The following DOCK3 variants were observed in gnomAD, a reference collection of about 807,000 sequenced individuals.
The protein encoded by DOCK3 is dedicator of cytokinesis 3.
A neutral mutation model predicts 265.6 loss-of-function variants in DOCK3; 60 were observed. The observed-to-expected ratio is 0.23, with a 90% CI of 0.18 to 0.28. The LOEUF (loss-of-function observed/expected upper bound fraction) is 0.28. Among genes scored for constraint, DOCK3 ranks in the 10% least tolerant of loss-of-function variants. The probability of loss-of-function intolerance (pLI) is 1.00; values close to 1 mark genes in which losing one functional copy is unlikely to be tolerated. For synonymous variants in DOCK3, 881 were observed against 938.0 expected (o/e 0.94, Z 1.11); for missense variants, 1,981 against 2,594.3 (o/e 0.76, Z 5.14).
intron 12 of DOCK3, among the ~76,000 whole-genome samples, chr3:51,177,932 A>G (rs773036849): frequency 1.3e-5 from 2 of 151,894 alleles, no homozygotes; most frequent in South Asian, 2.1e-4. Context: ...CAGAGATTGC[A>G]GTAGCCGAGA....
intron 5 of DOCK3, among the ~76,000 whole-genome samples, chr3:50,936,062 T>A (rs1297532730): frequency 1.3e-5 from 2 of 152,064 alleles, no homozygotes; most frequent in African/African-American, 4.8e-5. Flanking sequence ...ACAAACACTC[T>A]TGAAACAAAC....
At chr3:51,341,018 A>G (rs1019346065) in intron 37 of DOCK3, among the ~76,000 whole-genome samples, 2 of 152,250 alleles carry the variant, frequency 1.3e-5, no homozygotes, top group Non-Finnish European at 2.9e-5. Flanking sequence ...CCATGGAAGG[A>G]AGGTGTCTAC....
At chr3:51,313,280 C>G (rs1226520208) in intron 31 of DOCK3, among the ~76,000 whole-genome samples, 1 of 152,180 alleles carries the variant, frequency 6.6e-6, no homozygotes, top group Non-Finnish European at 1.5e-5. Flanking sequence ...ATCTGAGATA[C>G]CCAGTACATG....
chr3:51,312,650 A>G, intron 30 of DOCK3, 74 bp downstream of exon 30: 1 of 1,408,990 alleles, frequency 7.1e-7, no homozygotes, highest in Non-Finnish European at 9.6e-7. Context: ...GAGTTCTTTC[A>G]GAGGTCCACA....
At chr3:50,702,382 T>TG (rs36105846) in intron 1 of DOCK3, among the ~76,000 whole-genome samples, 14,364 of 152,118 alleles carry the variant, frequency 0.094, 834 homozygotes, top group Non-Finnish European at 0.12. Flanking sequence ...TCTTTTTTTT[T>TG]AGATAGAGTC....
At chr3:50,879,053 A>T (rs532112850) in intron 3 of DOCK3, among the ~76,000 whole-genome samples, 150 of 152,298 alleles carry the variant, frequency 9.8e-4, no homozygotes, top group Non-Finnish European at 1.8e-3. Flanking sequence ...AGGAGAAATA[A>T]AATCCTTTAC....
intron 5 of DOCK3, among the ~76,000 whole-genome samples, chr3:51,025,367 T>G (rs1043957885): frequency 3.9e-5 from 6 of 152,096 alleles, no homozygotes; most frequent in African/African-American, 7.2e-5. Flanking sequence ...TGGGCAGCAG[T>G]GAGCCTTACC....
chr3:51,247,159 A>G (rs1198735351), intron 22 of DOCK3, among the ~76,000 whole-genome samples: 1 of 152,180 alleles, frequency 6.6e-6, no homozygotes, highest in Non-Finnish European at 1.5e-5. Context: ...AGGATCCTCT[A>G]ATAGTATTCT....
At chr3:50,918,752 C>G (rs971228096) in intron 4 of DOCK3, among the ~76,000 whole-genome samples, 3 of 152,104 alleles carry the variant, frequency 2.0e-5, no homozygotes, top group East Asian at 3.8e-4. Flanking sequence ...TGTGTAGAAG[C>G]TCTTTAGTTT....
chr3:50,792,365 G>T (rs913221049), intron 2 of DOCK3, among the ~76,000 whole-genome samples: 1 of 152,144 alleles, frequency 6.6e-6, no homozygotes, highest in Non-Finnish European at 1.5e-5. Flanking sequence ...GGCTGACACT[G>T]TGGGGTTTTG....
intron 12 of DOCK3, among the ~76,000 whole-genome samples, chr3:51,194,001 T>C (rs1043126839): frequency 6.6e-6 from 1 of 152,086 alleles, no homozygotes; most frequent in Non-Finnish European, 1.5e-5. Context: ...TGTTAGATTG[T>C]TAATTTGTAA....
Position 51,374,521 on chromosome 3 carries a change from G to C in DOCK3, c.5346G>C (p.Leu1782Phe). The C allele has an allele frequency of 6.2e-7, 1 of 1,613,908 alleles. No homozygotes were observed. The part of the protein sequence containing the change: ...KYRHAREMML[L>F]LPTYRDRPSS... ...GCCATGCCCGTGAAATGATGTTGTT[G>C]CTGCCCACATACCGGGACCGCCCAA... The change falls in exon 50 of 53, where the codon TTG becomes TTC. Residue 1782 changes from leucine to phenylalanine, a missense_variant. Leu to Phe is a conservative substitution (Grantham distance 22). Around this residue, in one of 4 missense-constraint regions of DOCK3, gnomAD observed 1,357 missense variants for 1,866.8 expected, o/e 0.73. Coordinates refer to ENST00000266037, the MANE Select transcript of DOCK3 (RefSeq NM_004947.5). This position sits in a 1 kb window ranked among gnomAD's most constrained non-coding sequence, Gnocchi z 4.8.
intron 1 of DOCK3, among the ~76,000 whole-genome samples, chr3:50,748,429 T>C (rs537735911): frequency 6.6e-6 from 1 of 152,298 alleles, no homozygotes; most frequent in South Asian, 2.1e-4. Context: ...CTGTGTAGGA[T>C]ACCAGAGTTG....
chr3:50,774,597 A>G lies in DOCK3; in HGVS notation c.38-4078A>G, dbSNP rs139768317. On this transcript the variant is annotated intron_variant, in intron 1 of 52. Coordinates refer to ENST00000266037, the MANE Select transcript of DOCK3 (RefSeq NM_004947.5). ...GTATTTGTTGTAATAGTTTATGTCT[A>G]TATTCTTTTGGATTTTTTTTACATA... Among the ~76,000 whole-genome samples, 127 of 152,042 alleles carry G rather than the reference A, an allele frequency of 8.4e-4. 1 individual carries two copies. The highest frequency in any genetic ancestry group is 7.0e-3 in the East Asian group (36 of 5,176).
chr3:51,061,205 T>C (rs1262796904), intron 5 of DOCK3, among the ~76,000 whole-genome samples: 1 of 152,218 alleles, frequency 6.6e-6, no homozygotes, highest in African/African-American at 2.4e-5. Context: ...AGCCATCCCA[T>C]TACTGTATAT....
At chr3:50,770,362 T>C (rs1467027920) in intron 1 of DOCK3, among the ~76,000 whole-genome samples, 2 of 151,440 alleles carry the variant, frequency 1.3e-5, no homozygotes, top group Non-Finnish European at 2.9e-5. Context: ...ACACATAAAA[T>C]TAAATAGTTA....
chr3:51,004,067 G>A (rs1161097582), intron 5 of DOCK3, among the ~76,000 whole-genome samples: 1 of 152,114 alleles, frequency 6.6e-6, no homozygotes, highest in East Asian at 1.9e-4. Context: ...CCCTCCACTT[G>A]AGTGTGGGCT....
chr3:50,817,120 A>G (rs926384364), intron 2 of DOCK3, among the ~76,000 whole-genome samples: 1 of 152,178 alleles, frequency 6.6e-6, no homozygotes, highest in Non-Finnish European at 1.5e-5. Flanking sequence ...ATGCCTCCTC[A>G]TTTTAGACCA....
Position 51,016,526 on chromosome 3 carries a change from T to C in DOCK3, c.316-47922T>C, listed in dbSNP as rs191067727. Among the ~76,000 whole-genome samples the C allele has an allele frequency of 4.0e-3, 242 of 60,122 alleles. 21 individuals are homozygous for C. Among genetic ancestry groups the C allele is most frequent in the African/African-American group, 0.022 (213 of 9,620 alleles). The allele number at this position is 60,122 out of a possible 152,430, so 39.4% of individuals were successfully genotyped here. On this transcript the variant is annotated intron_variant, in intron 5 of 52. Transcript: ENST00000266037. The stretch of plus-strand genomic sequence containing the variant: ...ATAATATATATATCATATATTTCTA[T>C]ATAATATATGATATATATATTTATA...
Sources: gnomAD v4.1 joint callset for allele counts (sites outside exome capture counted in the v4.1 genomes callset) on GRCh38, gnomAD v4.1.1 for gene constraint, gnomAD v4.1.1 regional missense constraint, Gnocchi (gnomAD v3.1) non-coding constraint, MANE v1.5 for transcripts, NCBI Gene and HGNC (gene_info 2026-07-23, HGNC 2026-07-21) for gene names.